Variants in CASZ1 observed in about 807,000 individuals in gnomAD.
CASZ1 encodes the protein zinc finger protein castor homolog 1.
In CASZ1, 28 loss-of-function variants were observed where a neutral mutation model predicts 135.2. The observed-to-expected ratio is 0.21, with a 90% CI of 0.15 to 0.28. The LOEUF is 0.28. CASZ1 is among the 10% of genes least tolerant of loss of function. The pLI, the probability that CASZ1 is intolerant of heterozygous loss-of-function variation, is 1.00. For synonymous variants in CASZ1, 1,068 were observed against 1,073.4 expected (o/e 0.99, Z 0.10); for missense variants, 2,161 against 2,453.3 (o/e 0.88, Z 2.52).
intron 4 of CASZ1, among the ~76,000 whole-genome samples, chr1:10,677,869 A>G (rs1638276899): frequency 6.6e-6 from 1 of 152,174 alleles, no homozygotes; most frequent in Non-Finnish European, 1.5e-5. Context: ...AGGACCCCAA[A>G]TGGCTCTGAA....
Position 10,653,827 on chromosome 1 carries a change from T to C in CASZ1, c.2230A>G (p.Ser744Gly), listed in dbSNP as rs1188758486. ...KNSSLSASPT[S>G]QQSSASLAAA... ...GCCAGGGACGCAGAGGACTGCTGGC[T>C]GGTAGGGGAGGCGCTCAGGCTGGAG... is the stretch of plus-strand genomic sequence containing the variant. The change falls in exon 11 of 21, where the codon AGC becomes GGC. Residue 744 changes from serine (S) to glycine (G), a missense_variant. This residue lies in a region of CASZ1 where 406 missense variants were observed against 387.6 expected (regional missense o/e 1.05). Coordinates refer to ENST00000377022, the MANE Select transcript of CASZ1 (RefSeq NM_001079843.3). The C allele has an allele frequency of 1.2e-6, 2 of 1,608,736 alleles. No homozygotes were observed. Among genetic ancestry groups the C allele is most frequent in the Non-Finnish European group, 1.7e-6 (2 of 1,176,678 alleles).
chr1:10,648,895 C>G (rs1642461024), intron 15 of CASZ1, 175 bp downstream of exon 15: 7 of 837,392 alleles, frequency 8.4e-6, no homozygotes, highest in Non-Finnish European at 7.3e-6. Flanking sequence ...CGGCTGAGGG[C>G]TGCATGTGTG....
chr1:10,762,728 T>C lies in CASZ1; in HGVS notation c.-233-1871A>G, dbSNP rs934377481. ...CTCTTCCAGCTTTGTAAAACAGACA[T>C]GTACATTCCCCAGAAAAAAGGTTAA... On this transcript the variant is annotated intron_variant, in intron 1 of 20. Coordinates refer to ENST00000377022, the MANE Select transcript of CASZ1 (RefSeq NM_001079843.3). This position sits in a 1 kb window ranked among gnomAD's most constrained non-coding sequence, Gnocchi z 4.1. 6.6e-6 allele frequency among the ~76,000 whole-genome samples: 1 copy of C among 152,088 alleles called. No individual in the cohort carries two copies. The highest frequency in any genetic ancestry group is 1.5e-5 in the Non-Finnish European group (1 of 68,024).
chr1:10,673,971 T>C (rs1237075096), intron 4 of CASZ1, among the ~76,000 whole-genome samples: 3 of 152,182 alleles, frequency 2.0e-5, no homozygotes, highest in Non-Finnish European at 4.4e-5. Flanking sequence ...GCCTCTGTCA[T>C]CCCTGCCACC....
chr1:10,678,761 G>A (rs752862882), intron 4 of CASZ1, among the ~76,000 whole-genome samples: 27 of 151,648 alleles, frequency 1.8e-4, no homozygotes, highest in Non-Finnish European at 3.7e-4. Flanking sequence ...ACCCCCATCC[G>A]TCCCCCGCCT....
intron 5 of CASZ1, among the ~76,000 whole-genome samples, chr1:10,662,828 G>C (rs576073913): frequency 6.6e-6 from 1 of 152,254 alleles, no homozygotes; most frequent in South Asian, 2.1e-4. Flanking sequence ...CAGACATACA[G>C]GTACACAACC....
rs763883758 is a variant in CASZ1 at position 10,643,310 on chromosome 1, A to C, written c.3870T>G (p.Gly1290=). The change falls in exon 19 of 21, where the codon GGT becomes GGG. Residue 1290 remains glycine, a splice_region_variant and synonymous_variant. Coordinates refer to ENST00000377022, the MANE Select transcript of CASZ1 (RefSeq NM_001079843.3). ...GGCTGTTCACCTGGTTGTACTTGCA[A>C]CCTGTGGACACAGCCCCACCTGGCA... ...FTKREECGRL[G]CKYNQVNSHF... The C allele has an allele frequency of 2.5e-6, 4 of 1,612,388 alleles. No homozygotes were observed. The African/African-American group carries it at 5.3e-5, about 22-fold the overall frequency.
chr1:10,658,450 C>G (rs1642883852), intron 7 of CASZ1, 58 bp downstream of exon 7: 1 of 1,438,488 alleles, frequency 7.0e-7, no homozygotes. Context: ...CTCAGAGTGC[C>G]CGGTCAGTCC....
intron 2 of CASZ1, among the ~76,000 whole-genome samples, chr1:10,754,383 A>G (rs72643209): frequency 0.086 from 13,044 of 152,132 alleles, 793 homozygotes; most frequent in African/African-American, 0.16. Flanking sequence ...ATGACTACCC[A>G]CAGTGTCGCT....
At chr1:10,780,330 C>T (rs1171455389) in intron 1 of CASZ1, among the ~76,000 whole-genome samples, 2 of 152,098 alleles carry the variant, frequency 1.3e-5, no homozygotes, top group Non-Finnish European at 2.9e-5. Context: ...CAAAAGCTAC[C>T]CAGGAGAGAA....
intron 4 of CASZ1, among the ~76,000 whole-genome samples, chr1:10,684,790 T>C (rs1638534082): frequency 6.6e-6 from 1 of 152,232 alleles, no homozygotes; most frequent in Admixed American, 6.5e-5. Context: ...CTCTCTTTCC[T>C]GGGTGAACTG....
chr1:10,742,041 C>T (rs72641486), intron 2 of CASZ1, among the ~76,000 whole-genome samples: 1 of 152,250 alleles, frequency 6.6e-6, no homozygotes, highest in Non-Finnish European at 1.5e-5. Context: ...CCGAGACACA[C>T]TGGCTCCCAG....
intron 2 of CASZ1, among the ~76,000 whole-genome samples, chr1:10,750,960 T>C (rs933435011): frequency 6.6e-6 from 1 of 151,390 alleles, no homozygotes; most frequent in Non-Finnish European, 1.5e-5. Context: ...AGCTGGACGC[T>C]CCTGGGGTCA....
chr1:10,645,054 C>G lies in CASZ1; in HGVS notation c.3731G>C (p.Cys1244Ser). Residue 1244 changes from cysteine to serine, a missense_variant, in exon 18 of 21, where the codon TGC becomes TCC. By Grantham distance (112) the Cys-to-Ser change is moderately radical (BLOSUM62 -1). Coordinates refer to ENST00000377022, the MANE Select transcript of CASZ1 (RefSeq NM_001079843.3). ...CACAAAATAGCAGCCGGTGCGGAGGCAGTGGTAGTGCCCACGCATTCGGAA... is the reference window on the plus strand; with the variant it reads ...CACAAAATAGCAGCCGGTGCGGAGGGAGTGGTAGTGCCCACGCATTCGGAA... ...CEFRMRGHYH[C>S]LRTGCYFVTN... 1 of 1,613,968 alleles carries G rather than the reference C, an allele frequency of 6.2e-7. No individual in the cohort carries two copies. The highest frequency in any genetic ancestry group is 8.5e-7 in the Non-Finnish European group (1 of 1,179,972).
rs904116338 is a variant in CASZ1, at chr1:10,709,458, G to A, written c.-76-3914C>T. On this transcript the variant is annotated intron_variant, in intron 2 of 20. Coordinates refer to ENST00000377022, the MANE Select transcript of CASZ1 (RefSeq NM_001079843.3). The surrounding 1 kb of genome is among the most constrained non-coding windows in gnomAD (Gnocchi z 5.1). ...CTTTCCCGGAGAAATATTCTGTTTGGCCTCCTTCCTGTATTGAGGAGCTGT... is the reference window on the plus strand; with the variant it reads ...CTTTCCCGGAGAAATATTCTGTTTGACCTCCTTCCTGTATTGAGGAGCTGT... 3.3e-5 allele frequency among the ~76,000 whole-genome samples: 5 copies of A among 152,198 alleles called. No individual in the cohort carries two copies. Among genetic ancestry groups the A allele is most frequent in the African/African-American group, 1.2e-4 (5 of 41,442 alleles).
Position 10,774,586 on chromosome 1 carries a change from G to C in CASZ1, c.-233-13729C>G, listed in dbSNP as rs1318187939. Among the ~76,000 whole-genome samples the C allele has an allele frequency of 6.6e-6, 1 of 152,282 alleles. No individual in the cohort carries two copies. Among genetic ancestry groups the C allele is most frequent in the East Asian group, 1.9e-4 (1 of 5,178 alleles). On this transcript the variant is annotated intron_variant, in intron 1 of 20. Coordinates refer to ENST00000377022, the MANE Select transcript of CASZ1 (RefSeq NM_001079843.3). This position sits in a 1 kb window ranked among gnomAD's most constrained non-coding sequence, Gnocchi z 4.4. ...CCCCGATCCAAAAGGATCACCAGGA[G>C]ATCCAGATGGAGCATTTTTCTGCTC...
At chr1:10,736,545 C>T (rs1334468884) in intron 2 of CASZ1, among the ~76,000 whole-genome samples, 1 of 152,216 alleles carries the variant, frequency 6.6e-6, no homozygotes, top group Non-Finnish European at 1.5e-5. Flanking sequence ...GGCAACACTG[C>T]TACTAATCCC....
Position 10,665,404 on chromosome 1 carries a change from G to C in CASZ1, c.184C>G (p.Arg62Gly). ...TCAGGGCCACTGCGCTCTTGGTCCC[G>C]GGGCTGCGATGGGCTGCCCTCCGTG... Reference protein sequence around the residue: ...SHTEGSPSQPRDQERSGPESG... With the variant: ...SHTEGSPSQPGDQERSGPESG... The change falls in exon 5 of 21, where the codon CGG (arginine) becomes GGG (glycine). Residue 62 changes from arginine to glycine, a missense_variant. Physicochemically the swap from Arg to Gly is moderately radical, Grantham distance 125. Around this residue, in one of 7 missense-constraint regions of CASZ1, gnomAD observed 590 missense variants for 609.8 expected, o/e 0.97. Coordinates refer to ENST00000377022, the MANE Select transcript of CASZ1 (RefSeq NM_001079843.3). 8.1e-6 allele frequency: 13 copies of C among 1,612,766 alleles called. No individual in the cohort carries two copies. Among genetic ancestry groups the C allele is most frequent in the Non-Finnish European group, 1.0e-5 (12 of 1,179,618 alleles).
chr1:10,778,478 T>C (rs150570092), intron 1 of CASZ1, among the ~76,000 whole-genome samples: 202 of 152,044 alleles, frequency 1.3e-3, no homozygotes, highest in African/African-American at 4.7e-3. Flanking sequence ...TCACATAGTC[T>C]CACAATCACA....
Sources: allele counts gnomAD v4.1 joint callset (sites outside exome capture counted in the v4.1 genomes callset), GRCh38; gene constraint gnomAD v4.1.1; regional missense constraint gnomAD v4.1.1; non-coding constraint Gnocchi (gnomAD v3.1); transcripts MANE v1.5; gene names NCBI Gene and HGNC (gene_info 2026-07-23, HGNC 2026-07-21).